Variants in GPR137C observed in about 807,000 individuals in gnomAD.
GPR137C encodes the protein integral membrane protein GPR137C.
In GPR137C, 27 loss-of-function variants were observed where a neutral mutation model predicts 43.4. The ratio of observed to expected loss-of-function variants is 0.62; its 90% CI spans 0.46 to 0.86. The LOEUF (loss-of-function observed/expected upper bound fraction) is 0.86, where lower values mean the gene tolerates loss of function less well. GPR137C is among the 40% of genes least tolerant of loss of function. The pLI, the probability that GPR137C is intolerant of heterozygous loss-of-function variation, is 0.00. For synonymous variants in GPR137C, 285 were observed against 226.9 expected (o/e 1.26, Z -2.30); for missense variants, 522 against 534.6 (o/e 0.98, Z 0.23).
intron 3 of GPR137C, chr14:52,612,508 A>G (rs2039049180): frequency 2.0e-6 from 2 of 982,706 alleles, no homozygotes; most frequent in Non-Finnish European, 2.4e-6. Flanking sequence ...AGAACTGTGT[A>G]TCCCAGCCTC....
rs1275685990 is a variant in GPR137C, at chr14:52,635,051, T to C, written c.1226T>C (p.Leu409Pro). Residue 409 changes from leucine to proline, a missense_variant, in exon 7 of 7, where the codon CTC becomes CCC. Leu to Pro is a moderately conservative substitution (Grantham distance 98). Transcript: ENST00000321662. ...CCTATGACAGATACTGCTCCTTTGCTCTTTACTTGTAGTAATTTAGATTTG... is the reference window on the plus strand; with the variant it reads ...CCTATGACAGATACTGCTCCTTTGCCCTTTACTTGTAGTAATTTAGATTTG... Reference protein sequence around the residue: ...NGPMTDTAPLLFTCSNLDLNN... With the variant: ...NGPMTDTAPLPFTCSNLDLNN... The C allele has an allele frequency of 6.2e-7, 1 of 1,608,314 alleles. No homozygotes were observed. The highest frequency in any genetic ancestry group is 8.5e-7 in the Non-Finnish European group (1 of 1,178,078).
intron 3 of GPR137C, among the ~76,000 whole-genome samples, chr14:52,608,813 T>C (rs1194330687): frequency 6.6e-6 from 1 of 152,180 alleles, no homozygotes; most frequent in Admixed American, 6.5e-5. Flanking sequence ...ATTGGATCTT[T>C]CCTAAATGTT....
At chr14:52,569,686 A>G (rs1445127968) in intron 1 of GPR137C, among the ~76,000 whole-genome samples, 1 of 151,852 alleles carries the variant, frequency 6.6e-6, no homozygotes, top group Non-Finnish European at 1.5e-5. Flanking sequence ...AGAAGAAAGG[A>G]TATCAGAGAT....
chr14:52,603,590 A>G (rs921631376), intron 3 of GPR137C, among the ~76,000 whole-genome samples: 1 of 152,076 alleles, frequency 6.6e-6, no homozygotes, highest in Non-Finnish European at 1.5e-5. Context: ...CTGGAGTACA[A>G]GTGGCGCACT....
chr14:52,602,034 C>T (rs1594798639), intron 3 of GPR137C, among the ~76,000 whole-genome samples: 1 of 150,850 alleles, frequency 6.6e-6, no homozygotes, highest in East Asian at 1.9e-4. Flanking sequence ...AGGAATACTG[C>T]AGATATACAT....
chr14:52,630,241 A>G (rs968501134), intron 3 of GPR137C, among the ~76,000 whole-genome samples: 2 of 152,028 alleles, frequency 1.3e-5, no homozygotes, highest in Non-Finnish European at 2.9e-5. Context: ...AAAAGCTTCT[A>G]TAGTATTTAC....
In GPR137C at chr14:52,598,386, G is replaced by C. The variant is rs866258604; in HGVS notation, c.488+71G>C. 9.5e-6 allele frequency: 6 copies of C among 629,378 alleles called. No individual in the cohort carries two copies. In the Middle Eastern group the frequency reaches 1.4e-3, roughly 147 times the overall value. The allele number at this position is 629,378 out of a possible 1,614,324, so 39.0% of individuals were successfully genotyped here. A position where few individuals can be genotyped will look rare whatever the true frequency, so the allele number is the denominator to read the frequency against. On this transcript the variant is annotated intron_variant, in intron 2 of 6. Coordinates refer to ENST00000321662, the MANE Select transcript of GPR137C (RefSeq NM_001099652.2). ...ATTAATTCATTAATATTAAGGCTTA[G>C]TATCTAAAAGATCTAATTTTTTTTA...
At chr14:52,630,390 A>C (rs2039280689) in intron 3 of GPR137C, among the ~76,000 whole-genome samples, 1 of 151,934 alleles carries the variant, frequency 6.6e-6, no homozygotes, top group South Asian at 2.1e-4. Flanking sequence ...TTGTTTCCTT[A>C]CTTTTCTTTA....
chr14:52,577,278 A>G (rs1437437576), intron 1 of GPR137C, among the ~76,000 whole-genome samples: 2 of 151,896 alleles, frequency 1.3e-5, no homozygotes, highest in Non-Finnish European at 2.9e-5. Context: ...TCAAGGCAGA[A>G]TCAAAATATT....
chr14:52,596,916 G>A (rs1206197269), intron 1 of GPR137C: 1 of 454,126 alleles, frequency 2.2e-6, no homozygotes, highest in Non-Finnish European at 4.4e-6. Flanking sequence ...AACCTTGCTA[G>A]GTGCTGCAGA....
In GPR137C at chr14:52,552,858, T is replaced by C. The variant is rs1313331109; in HGVS notation, c.-290T>C. Among the ~76,000 whole-genome samples the C allele has an allele frequency of 6.6e-6, 1 of 151,450 alleles. No homozygotes were observed. Among genetic ancestry groups the C allele is most frequent in the African/African-American group, 2.4e-5 (1 of 41,162 alleles). On this transcript the variant is annotated 5_prime_UTR_variant, in exon 1 of 7. An upstream start codon of the reference 5' UTR is lost. Transcript: ENST00000321662. ...CACAGTGCGGAGCGAGCGCCTCAAA[T>C]GCTCGGGTTTCTCAGCTGATTGTCT...
chr14:52,636,837 C>T lies in GPR137C; in HGVS notation c.*1722C>T, dbSNP rs987346107. ...AAAATGTATAGTATAAAAAGTTACC[C>T]GTGGTATTAAGTGACAAAAGCGTAC... On this transcript the variant is annotated 3_prime_UTR_variant, in exon 7 of 7. Transcript: ENST00000321662. 1 of 151,978 alleles carries T rather than the reference C, an allele frequency of 6.6e-6. No homozygotes were observed. The highest frequency in any genetic ancestry group is 1.9e-4 in the East Asian group (1 of 5,194). The allele number at this position is 151,978 out of a possible 1,614,324, so 9.4% of individuals were successfully genotyped here. A position where few individuals can be genotyped will look rare whatever the true frequency, so the allele number is the denominator to read the frequency against.
rs572863821 is a variant in GPR137C, at chr14:52,588,254, C to T, written c.445-10018C>T. On this transcript the variant is annotated intron_variant, in intron 1 of 6. Coordinates refer to ENST00000321662, the MANE Select transcript of GPR137C (RefSeq NM_001099652.2). Reference sequence around the variant, plus strand: ...CTGCCTCCCGAGTTCAGGCAATTCTCTGGCCTCAGCCTCCTGAGTAGCTGG... The same window carrying T: ...CTGCCTCCCGAGTTCAGGCAATTCTTTGGCCTCAGCCTCCTGAGTAGCTGG... 9.9e-5 allele frequency among the ~76,000 whole-genome samples: 15 copies of T among 152,266 alleles called. No homozygotes were observed. The South Asian group carries it at 3.1e-3, about 32-fold the overall frequency.
chr14:52,618,326 A>G lies in GPR137C; in HGVS notation c.718-13834A>G, dbSNP rs953039510. 3.3e-5 allele frequency among the ~76,000 whole-genome samples: 5 copies of G among 152,132 alleles called. No homozygotes were observed. In the East Asian group the frequency reaches 9.6e-4, roughly 29 times the overall value. On this transcript the variant is annotated intron_variant, in intron 3 of 6. Transcript: ENST00000321662. ...TTCTGAAATCTCATCTTTTACTCCA[A>G]TCTCAGTTTTGTTTTGTTTGCATTG... is the stretch of plus-strand genomic sequence containing the variant.
At chr14:52,633,226 C>T (rs2039314082) in intron 4 of GPR137C, among the ~76,000 whole-genome samples, 2 of 152,040 alleles carry the variant, frequency 1.3e-5, no homozygotes, top group Admixed American at 6.6e-5. Flanking sequence ...CTTTAAAAGT[C>T]ACTCTCTTTA....
At chr14:52,558,602 T>A (rs2038231167) in intron 1 of GPR137C, among the ~76,000 whole-genome samples, 1 of 152,176 alleles carries the variant, frequency 6.6e-6, no homozygotes, top group Non-Finnish European at 1.5e-5. Flanking sequence ...AAACCCAGAC[T>A]TCTGACAGAT....
At chr14:52,563,736 G>T (rs1437691436) in intron 1 of GPR137C, among the ~76,000 whole-genome samples, 1 of 152,078 alleles carries the variant, frequency 6.6e-6, no homozygotes, top group African/African-American at 2.4e-5. Flanking sequence ...ATTCAGAAAC[G>T]TGAGTCCTTC....
At chr14:52,599,299 A>C (rs2038894842) in intron 2 of GPR137C, among the ~76,000 whole-genome samples, 1 of 152,170 alleles carries the variant, frequency 6.6e-6, no homozygotes, top group African/African-American at 2.4e-5. Context: ...TGAGGTATTA[A>C]TGGGTGCTTG....
At chr14:52,608,946 C>G (rs1259465325) in intron 3 of GPR137C, among the ~76,000 whole-genome samples, 1 of 152,100 alleles carries the variant, frequency 6.6e-6, no homozygotes, top group Non-Finnish European at 1.5e-5. Flanking sequence ...TTTGACTTTC[C>G]TGTACCTGGA....
Sources: allele counts gnomAD v4.1 joint callset (sites outside exome capture counted in the v4.1 genomes callset), GRCh38; gene constraint gnomAD v4.1.1; transcripts MANE v1.5; gene names NCBI Gene and HGNC (gene_info 2026-07-23, HGNC 2026-07-21).